The following CBFA2T2 variants were observed in gnomAD, a reference collection of about 807,000 sequenced individuals.
CBFA2T2 encodes protein CBFA2T2.
In CBFA2T2, 11 loss-of-function variants were observed where a neutral mutation model predicts 62.2. That is an observed-to-expected ratio of 0.18 (90% CI 0.11 to 0.29). The LOEUF (loss-of-function observed/expected upper bound fraction) is 0.29. Among genes scored for constraint, CBFA2T2 ranks in the 10% least tolerant of loss-of-function variants. The probability of loss-of-function intolerance (pLI) is 1.00; values close to 1 mark genes in which losing one functional copy is unlikely to be tolerated. For missense variants in CBFA2T2, 592 were observed against 774.1 expected (o/e 0.76, Z 2.79); for synonymous variants, 295 against 287.5 (o/e 1.03, Z -0.27).
intron 10 of CBFA2T2, among the ~76,000 whole-genome samples, chr20:33,643,910 A>G: frequency 6.9e-6 from 1 of 145,754 alleles, no homozygotes; most frequent in African/African-American, 2.6e-5. Flanking sequence ...CACATGCAGA[A>G]AGGAGTAGGA....
chr20:33,538,267 T>G (rs985606042), intron 1 of CBFA2T2, among the ~76,000 whole-genome samples: 1 of 152,226 alleles, frequency 6.6e-6, no homozygotes, highest in South Asian at 2.1e-4. Flanking sequence ...TGCTACTCTA[T>G]AGACATGAAG....
chr20:33,568,751 A>C (rs1338204348), intron 1 of CBFA2T2, among the ~76,000 whole-genome samples: 1 of 152,076 alleles, frequency 6.6e-6, no homozygotes, highest in Non-Finnish European at 1.5e-5. Context: ...CCCAGCTGCC[A>C]CCCTTGCGCT....
At chr20:33,612,940 A>C (rs1033412407) in intron 3 of CBFA2T2, among the ~76,000 whole-genome samples, 3 of 152,184 alleles carry the variant, frequency 2.0e-5, no homozygotes, top group Non-Finnish European at 2.9e-5. Context: ...TTTAAAAGTT[A>C]GCTGAGTGTG....
intron 8 of CBFA2T2, among the ~76,000 whole-genome samples, chr20:33,630,675 C>T (rs973802287): frequency 5.9e-5 from 9 of 152,194 alleles, no homozygotes; most frequent in Non-Finnish European, 1.0e-4. Context: ...AGAAAGTGCC[C>T]TATCCAAAGG....
intron 1 of CBFA2T2, among the ~76,000 whole-genome samples, chr20:33,506,989 C>T (rs1464892583): frequency 6.6e-6 from 1 of 152,048 alleles, no homozygotes; most frequent in East Asian, 1.9e-4. Context: ...TGTGAATGTC[C>T]CTTTTTTGTA....
chr20:33,495,405 A>G (rs1201976263), intron 1 of CBFA2T2, among the ~76,000 whole-genome samples: 1 of 147,148 alleles, frequency 6.8e-6, no homozygotes, highest in East Asian at 2.0e-4. Context: ...AAAAAAAAAA[A>G]GGCCGGGCAC....
intron 1 of CBFA2T2, among the ~76,000 whole-genome samples, chr20:33,533,917 T>C (rs1600938532): frequency 6.6e-6 from 1 of 152,048 alleles, no homozygotes; most frequent in Admixed American, 6.6e-5. Flanking sequence ...GGAGGTTGCA[T>C]TGAGCCGAGG....
At chr20:33,495,719 A>G (rs1205275478) in intron 1 of CBFA2T2, among the ~76,000 whole-genome samples, 1 of 152,212 alleles carries the variant, frequency 6.6e-6, no homozygotes, top group Non-Finnish European at 1.5e-5. Context: ...AATGGTTAAG[A>G]TTTAAATTCT....
intron 1 of CBFA2T2, among the ~76,000 whole-genome samples, chr20:33,503,900 G>GC (rs1162615449): frequency 4.6e-5 from 7 of 151,572 alleles, no homozygotes; most frequent in Non-Finnish European, 8.8e-5. Context: ...CTTTTTCATG[G>GC]CATAGTTCTA....
intron 1 of CBFA2T2, among the ~76,000 whole-genome samples, chr20:33,593,417 A>G (rs1290789162): frequency 1.6e-5 from 2 of 127,604 alleles, no homozygotes; most frequent in African/African-American, 2.9e-5. Flanking sequence ...TTTTTTTGAG[A>G]CAGAGTCTCA....
chr20:33,513,366 T>G (rs1168214599), intron 1 of CBFA2T2, among the ~76,000 whole-genome samples: 3 of 144,532 alleles, frequency 2.1e-5, no homozygotes, highest in South Asian at 2.2e-4. Context: ...TTTTTTTTGG[T>G]TTTTTTTTTT....
chr20:33,627,210 A>T (rs751692843), intron 6 of CBFA2T2, among the ~76,000 whole-genome samples: 17 of 152,120 alleles, frequency 1.1e-4, no homozygotes, highest in Non-Finnish European at 2.1e-4. Context: ...ATCCTGGCTA[A>T]CATGGTAAAA....
chr20:33,537,151 G>A (rs2012278136), intron 1 of CBFA2T2, among the ~76,000 whole-genome samples: 1 of 152,224 alleles, frequency 6.6e-6, no homozygotes, highest in Non-Finnish European at 1.5e-5. Context: ...GGGAGGTGGA[G>A]GTTGTAGCGA....
In CBFA2T2 at chr20:33,645,780, T is replaced by G. The variant is rs2017028493; in HGVS notation, c.*1134T>G. 6.6e-6 allele frequency: 1 copy of G among 152,222 alleles called. No homozygotes were observed. The allele number at this position is 152,222 out of a possible 1,614,324, so 9.4% of individuals were successfully genotyped here. Reference sequence around the variant, plus strand: ...GGTCATTATATCTACTATGTTGATTTATCATCAGGCACACAACTTCTGTTT... The same window carrying G: ...GGTCATTATATCTACTATGTTGATTGATCATCAGGCACACAACTTCTGTTT... On this transcript the variant is annotated 3_prime_UTR_variant, in exon 11 of 11. Coordinates refer to ENST00000342704, the MANE Select transcript of CBFA2T2 (RefSeq NM_001032999.3).
At chr20:33,567,667 C>T (rs2013386718) in intron 1 of CBFA2T2, among the ~76,000 whole-genome samples, 1 of 151,908 alleles carries the variant, frequency 6.6e-6, no homozygotes, top group South Asian at 2.1e-4. Flanking sequence ...ACTGCAACCT[C>T]CGCCTCTCAG....
intron 1 of CBFA2T2, among the ~76,000 whole-genome samples, chr20:33,603,649 A>G (rs1397162273): frequency 6.6e-6 from 1 of 152,134 alleles, no homozygotes; most frequent in Non-Finnish European, 1.5e-5. Context: ...CTAAATCTTT[A>G]TGGCTGTTTG....
chr20:33,567,739 C>T (rs1297357579), intron 1 of CBFA2T2, among the ~76,000 whole-genome samples: 4 of 152,012 alleles, frequency 2.6e-5, no homozygotes, highest in Admixed American at 1.3e-4. Context: ...TGTGCCACCA[C>T]GCCCAGTTAA....
chr20:33,542,529 A>G (rs1019816783), intron 1 of CBFA2T2, among the ~76,000 whole-genome samples: 1 of 152,010 alleles, frequency 6.6e-6, no homozygotes, highest in Admixed American at 6.6e-5. Flanking sequence ...TCAATTATCA[A>G]TGTATATATA....
At chr20:33,623,730 C>T in intron 5 of CBFA2T2, 2 of 694,802 alleles carry the variant, frequency 2.9e-6, no homozygotes, top group Non-Finnish European at 5.3e-6. Flanking sequence ...AGCCCAATGT[C>T]TCAGACTTTC....
Sources: gnomAD v4.1 joint callset for allele counts (sites outside exome capture counted in the v4.1 genomes callset) on GRCh38, gnomAD v4.1.1 for gene constraint, MANE v1.5 for transcripts, NCBI Gene and HGNC (gene_info 2026-07-23, HGNC 2026-07-21) for gene names.